The following ELAPOR2 variants were observed in gnomAD, a reference collection of about 807,000 sequenced individuals.
ELAPOR2 encodes endosome/lysosome-associated apoptosis and autophagy regulator family member 2.
Under a neutral mutation model 120.7 loss-of-function variants are expected in ELAPOR2, and 89 were observed. That is an observed-to-expected ratio of 0.74 (90% confidence interval 0.62 to 0.88). ELAPOR2 has a LOEUF of 0.88. ELAPOR2 is among the 40% of genes least tolerant of loss of function. The pLI, the probability that ELAPOR2 is intolerant of heterozygous loss-of-function variation, is 0.00. For synonymous variants in ELAPOR2, 444 were observed against 444.9 expected, an observed-to-expected ratio of 1.00 and a Z score of 0.03; for missense variants, 1,134 against 1,251.6, an observed-to-expected ratio of 0.91 and a Z score of 1.42.
chr7:86,950,841 G>T (rs537306969), intron 2 of ELAPOR2, among the ~76,000 whole-genome samples: 1 of 152,326 alleles, frequency 6.6e-6, no homozygotes, highest in South Asian at 2.1e-4. Flanking sequence ...AGCTGGTGAA[G>T]TGACACCCCA....
intron 1 of ELAPOR2, among the ~76,000 whole-genome samples, chr7:87,028,486 G>A (rs1221192198): frequency 1.3e-5 from 2 of 151,998 alleles, no homozygotes; most frequent in Non-Finnish European, 2.9e-5. Flanking sequence ...CTCCCTAGGA[G>A]ACCTTAGAAA....
intron 1 of ELAPOR2, among the ~76,000 whole-genome samples, chr7:87,057,723 T>C (rs1177427103): frequency 6.6e-6 from 1 of 152,196 alleles, no homozygotes; most frequent in Non-Finnish European, 1.5e-5. Context: ...GTGTAGGACA[T>C]GTGTTCATCT....
At chr7:86,898,770 T>C (rs138788253) in intron 18 of ELAPOR2, among the ~76,000 whole-genome samples, 209 of 152,108 alleles carry the variant, frequency 1.4e-3, no homozygotes, top group Middle Eastern at 0.01. Context: ...AATGAGTGAG[T>C]GCTGGGCATA....
intron 1 of ELAPOR2, among the ~76,000 whole-genome samples, chr7:87,000,385 C>T (rs561550000): frequency 7.4e-6 from 1 of 135,670 alleles, no homozygotes; most frequent in East Asian, 2.0e-4. Context: ...AAACCCCTTT[C>T]CCAGTAAATA....
At chr7:86,968,347 A>C (rs1022910425) in intron 1 of ELAPOR2, among the ~76,000 whole-genome samples, 1 of 152,194 alleles carries the variant, frequency 6.6e-6, no homozygotes, top group African/African-American at 2.4e-5. Flanking sequence ...CATGTCAAAA[A>C]TTTTGTCATT....
At chr7:86,893,252 C>T (rs1339755885) in intron 19 of ELAPOR2, 152 bp from the exon 20 acceptor site, 1 of 550,528 alleles carries the variant, frequency 1.8e-6, no homozygotes, top group Non-Finnish European at 3.1e-6. Flanking sequence ...GAGGATTATT[C>T]AGCATTCATT....
Position 86,965,033 on chromosome 7 carries a change from A to G in ELAPOR2, c.190-9T>C. 1 of 1,551,458 alleles carries G rather than the reference A, an allele frequency of 6.4e-7. No individual in the cohort carries two copies. The highest frequency in any genetic ancestry group is 8.7e-7 in the Non-Finnish European group (1 of 1,146,776). ...TCAAAGTGATAATCTTTCTGCAAAC[A>G]ATCACAAAAACAAGCCTTTGTTAGA... On this transcript the variant is annotated splice_polypyrimidine_tract_variant and intron_variant, in intron 1 of 21. Coordinates refer to ENST00000450689, the MANE Select transcript of ELAPOR2 (RefSeq NM_001142749.3).
intron 19 of ELAPOR2, among the ~76,000 whole-genome samples, chr7:86,896,147 CTTATT>C (rs1291377624): frequency 6.6e-6 from 1 of 151,960 alleles, no homozygotes; most frequent in Non-Finnish European, 1.5e-5. Flanking sequence ...GTGTTGTCTG[CTTATT>C]TTTTGTATAA....
intron 4 of ELAPOR2, 25 bp from the exon 5 acceptor site, chr7:86,942,129 A>G: frequency 7.3e-7 from 1 of 1,374,874 alleles, no homozygotes; most frequent in Non-Finnish European, 1.0e-6. Flanking sequence ...CAAGAGCCCT[A>G]GTAAAGTGTC....
intron 21 of ELAPOR2, among the ~76,000 whole-genome samples, chr7:86,883,263 G>A (rs997440596): frequency 4.6e-5 from 7 of 152,210 alleles, no homozygotes; most frequent in South Asian, 2.1e-4. Context: ...ACATAAACCC[G>A]AGAATTGCAG....
Position 86,912,007 on chromosome 7 carries a change from C to A in ELAPOR2, c.2169+65G>T, listed in dbSNP as rs528442412. On this transcript the variant is annotated intron_variant, in intron 15 of 21. Transcript: ENST00000450689. Reference sequence around the variant, plus strand: ...TAGAGAATTTATTGGTCCATTAACACAGAAAATATCAACTTGATCGGAGCT... The same window carrying A: ...TAGAGAATTTATTGGTCCATTAACAAAGAAAATATCAACTTGATCGGAGCT... The A allele has an allele frequency of 6.1e-6, 9 of 1,479,482 alleles. No individual in the cohort carries two copies. In the African/African-American group the frequency reaches 1.1e-4, roughly 18 times the overall value. The allele number at this position is 1,479,482 out of a possible 1,614,324, so 91.6% of individuals were successfully genotyped here.
intron 21 of ELAPOR2, among the ~76,000 whole-genome samples, chr7:86,889,043 C>T (rs568426400): frequency 1.7e-4 from 26 of 151,966 alleles, no homozygotes; most frequent in Non-Finnish European, 2.9e-4. Flanking sequence ...AGGAAAATAC[C>T]CCTACTGTTA....
At chr7:86,957,654 C>T (rs1791531097) in intron 2 of ELAPOR2, among the ~76,000 whole-genome samples, 1 of 152,122 alleles carries the variant, frequency 6.6e-6, no homozygotes, top group South Asian at 2.1e-4. Flanking sequence ...CAAACATCTC[C>T]TAAATTCTAA....
At chr7:86,920,437 C>A (rs550613014) in intron 10 of ELAPOR2, among the ~76,000 whole-genome samples, 1 of 152,152 alleles carries the variant, frequency 6.6e-6, no homozygotes, top group East Asian at 1.9e-4. Flanking sequence ...GGATAAAAAG[C>A]AGAAGGATAT....
At chr7:86,930,749 A>T (rs1404482259) in intron 8 of ELAPOR2, among the ~76,000 whole-genome samples, 1 of 151,976 alleles carries the variant, frequency 6.6e-6, no homozygotes, top group African/African-American at 2.4e-5. Context: ...CTAATTGAAA[A>T]AACATGTCAT....
Position 86,933,852 on chromosome 7 carries a change from A to G in ELAPOR2, c.1089+4274T>C, listed in dbSNP as rs114623171. On this transcript the variant is annotated intron_variant, in intron 8 of 21. Transcript: ENST00000450689. The stretch of plus-strand genomic sequence containing the variant: ...ATGTATTTGTTTCATGACACTCAAC[A>G]GGGAAAGATTCCATCTTCTAGGGGA... Among the ~76,000 whole-genome samples, 780 of 152,088 alleles carry G rather than the reference A, an allele frequency of 5.1e-3. 7 individuals carry two copies. The highest frequency in any genetic ancestry group is 0.018 in the African/African-American group (761 of 41,522).
intron 2 of ELAPOR2, among the ~76,000 whole-genome samples, chr7:86,963,373 G>A (rs1043526451): frequency 1.3e-5 from 2 of 152,184 alleles, no homozygotes; most frequent in Non-Finnish European, 2.9e-5. Context: ...GCCAACAAAT[G>A]TAATCAGTGC....
At chr7:86,901,415 T>G (rs984200631) in intron 18 of ELAPOR2, among the ~76,000 whole-genome samples, 36 of 152,220 alleles carry the variant, frequency 2.4e-4, no homozygotes, top group African/African-American at 8.4e-4. Context: ...TTCTTTTAAA[T>G]AAATCTTTCC....
chr7:86,892,883 C>G, intron 20 of ELAPOR2, 39 bp downstream of exon 20: 1 of 1,409,792 alleles, frequency 7.1e-7, no homozygotes, highest in Non-Finnish European at 9.3e-7. Flanking sequence ...ACAAAATAGG[C>G]CCTCTAGCTC....
Sources: gnomAD v4.1 joint callset for allele counts (sites outside exome capture counted in the v4.1 genomes callset) on GRCh38, gnomAD v4.1.1 for gene constraint, MANE v1.5 for transcripts, NCBI Gene and HGNC (gene_info 2026-07-23, HGNC 2026-07-21) for gene names.